CSDE1: variants seen among roughly 807,000 people sequenced by gnomAD.
The protein encoded by CSDE1 is cold shock domain containing E1, also known as cold shock domain-containing protein E1.
CSDE1 carries 17 observed loss-of-function variants against 89.3 expected under a neutral mutation model. The ratio of observed to expected loss-of-function variants is 0.19; its 90% CI spans 0.13 to 0.29. CSDE1 has a LOEUF of 0.29. Ranked by LOEUF, CSDE1 falls within the 10% of genes least tolerant of loss-of-function variation. The probability of loss-of-function intolerance (pLI) is 1.00; values close to 1 mark genes in which losing one functional copy is unlikely to be tolerated. For synonymous variants in CSDE1, 322 were observed against 332.8 expected (o/e 0.97, Z 0.35); for missense variants, 672 against 984.2 (o/e 0.68, Z 4.24).
chr1:114,723,187 C>T (rs757772475), intron 16 of CSDE1, among the ~76,000 whole-genome samples: 2 of 152,246 alleles, frequency 1.3e-5, no homozygotes, highest in South Asian at 4.1e-4. Flanking sequence ...TTGGAATACT[C>T]AAGCCCTCTC....
chr1:114,751,771 CT>C (rs980520925), intron 1 of CSDE1, among the ~76,000 whole-genome samples: 1 of 151,928 alleles, frequency 6.6e-6, no homozygotes, highest in African/African-American at 2.4e-5. Context: ...AGGGCCACTT[CT>C]TTAACTATCT....
At chr1:114,752,262 T>C (rs2101091058) in intron 1 of CSDE1, among the ~76,000 whole-genome samples, 1 of 151,802 alleles carries the variant, frequency 6.6e-6, no homozygotes, top group South Asian at 2.1e-4. Context: ...AAACAAAAAC[T>C]CTCCAATTTC....
chr1:114,745,080 CG>C (rs1383486544), intron 2 of CSDE1, among the ~76,000 whole-genome samples: 3 of 151,764 alleles, frequency 2.0e-5, no homozygotes, highest in Non-Finnish European at 4.4e-5. Context: ...CTAGCAAAGA[CG>C]TAAGATTTTA....
chr1:114,729,148 G>A (rs1659963872), intron 12 of CSDE1, among the ~76,000 whole-genome samples: 1 of 152,032 alleles, frequency 6.6e-6, no homozygotes. Flanking sequence ...GCCCAGGATG[G>A]AGTGCAATGG....
At chr1:114,723,145 C>G (rs1659616952) in intron 16 of CSDE1, among the ~76,000 whole-genome samples, 1 of 152,146 alleles carries the variant, frequency 6.6e-6, no homozygotes, top group Non-Finnish European at 1.5e-5. Flanking sequence ...GCGTGAACCA[C>G]CACGCCCGGC....
intron 16 of CSDE1, among the ~76,000 whole-genome samples, chr1:114,722,107 C>A (rs1270072332): frequency 6.6e-6 from 1 of 152,134 alleles, no homozygotes; most frequent in African/African-American, 2.4e-5. Flanking sequence ...GTCTCGAACT[C>A]CTGACCTTCA....
At position 114,734,357 on chromosome 1, in the gene CSDE1, GAAA is replaced by G; in HGVS notation, c.582+82_582+84del. On this transcript the variant is annotated intron_variant, in intron 7 of 19. Transcript: ENST00000358528. Reference sequence around the variant, plus strand: ...TATTTTAAAAGGGTAAGATAAAAAAGAAAAAAAAAAACAAAGGCTGGAGTTTGA... The same window carrying G: ...TATTTTAAAAGGGTAAGATAAAAAAGAAAAAAAACAAAGGCTGGAGTTTGA... 5.6e-6 allele frequency: 6 copies of G among 1,078,590 alleles called. No homozygotes were observed. In the South Asian group the frequency reaches 9.3e-5, roughly 17 times the overall value. The allele number at this position is 1,078,590 out of a possible 1,614,324, so 66.8% of individuals were successfully genotyped here. A position where few individuals can be genotyped will look rare whatever the true frequency, so the allele number is the denominator to read the frequency against.
chr1:114,734,428 A>G lies in CSDE1; in HGVS notation c.582+14T>C, dbSNP rs371228836. 4.3e-5 allele frequency: 69 copies of G among 1,608,368 alleles called. No homozygotes were observed. The highest frequency in any genetic ancestry group is 5.5e-5 in the Non-Finnish European group (65 of 1,177,770). On this transcript the variant is annotated intron_variant, in intron 7 of 19. Transcript: ENST00000358528. ...GGCCAAAGAAAACTCAAGTTTCTCA[A>G]ATTTAACACTTACCTTCATGGCACA... is the stretch of plus-strand genomic sequence containing the variant.
chr1:114,739,177 G>A (rs1322263191), intron 3 of CSDE1, among the ~76,000 whole-genome samples: 3 of 152,056 alleles, frequency 2.0e-5, no homozygotes, highest in African/African-American at 7.2e-5. Flanking sequence ...GACTACAGGT[G>A]CCTGCCACCA....
chr1:114,730,131 T>C (rs1476924956), intron 12 of CSDE1, 127 bp downstream of exon 12: 3 of 1,074,492 alleles, frequency 2.8e-6, no homozygotes, highest in Non-Finnish European at 4.0e-6. Flanking sequence ...TTTAGTTCAC[T>C]GTTAATATGA....
chr1:114,727,732 G>C (rs1341886716), intron 12 of CSDE1: 2 of 152,050 alleles, frequency 1.3e-5, no homozygotes, highest in Non-Finnish European at 2.9e-5. Flanking sequence ...CTGGTCTGAA[G>C]GTAGTGGGTT....
rs148637750 is a variant in CSDE1, at chr1:114,723,461, T to A, written c.1873+422A>T. On this transcript the variant is annotated intron_variant, in intron 16 of 19. Coordinates refer to ENST00000358528, the MANE Select transcript of CSDE1 (RefSeq NM_001007553.3). ...GAACTCTAGCTATTAAGAAACAGAT[T>A]ATGTACATATGTGTAGTGTAGGGGG... 7.9e-5 allele frequency among the ~76,000 whole-genome samples: 12 copies of A among 152,242 alleles called. No individual in the cohort carries two copies. The East Asian group carries it at 2.3e-3, about 29-fold the overall frequency.
chr1:114,736,938 T>C, intron 5 of CSDE1, 83 bp from the exon 6 acceptor site: 2 of 1,075,392 alleles, frequency 1.9e-6, no homozygotes, highest in Non-Finnish European at 2.7e-6. Flanking sequence ...AAAAACCTCT[T>C]ATACTGGCAT....
At chr1:114,743,423 C>T (rs1248682653) in intron 2 of CSDE1, among the ~76,000 whole-genome samples, 1 of 152,176 alleles carries the variant, frequency 6.6e-6, no homozygotes, top group Non-Finnish European at 1.5e-5. Flanking sequence ...GAACTCCTGA[C>T]CTCAAGTGAT....
Position 114,718,330 on chromosome 1 carries a change from T to G in CSDE1, c.2350-114A>C, listed in dbSNP as rs150631455. On this transcript the variant is annotated intron_variant, in intron 19 of 19. Coordinates refer to ENST00000358528, the MANE Select transcript of CSDE1 (RefSeq NM_001007553.3). ...AAAAGCATTATTTTTAATCATCTTA[T>G]GCAGTACTAATTCTTTCCTAGAGGA... 14 of 1,257,538 alleles carry G rather than the reference T, an allele frequency of 1.1e-5. No individual in the cohort carries two copies. In the African/African-American group the frequency reaches 1.9e-4, roughly 17 times the overall value. The allele number at this position is 1,257,538 out of a possible 1,614,324, so 77.9% of individuals were successfully genotyped here. A position where few individuals can be genotyped will look rare whatever the true frequency, so the allele number is the denominator to read the frequency against.
At chr1:114,720,110 TG>T (rs1659431193) in intron 17 of CSDE1, 1 of 218,036 alleles carries the variant, frequency 4.6e-6, no homozygotes, top group African/African-American at 2.3e-5. Flanking sequence ...TCTGTACTGA[TG>T]AAAAACATTC....
Position 114,737,520 on chromosome 1 carries a change from G to A in CSDE1, c.353C>T (p.Ala118Val). ...VPHNLESKSP[A>V]APGQSPTGSV... Reference sequence around the variant, plus strand: ...CCCTGTTGGACTCTGACCCGGGGCAGCTGGAGATTTACTCTCTAAGTTGTG... The same window carrying A: ...CCCTGTTGGACTCTGACCCGGGGCAACTGGAGATTTACTCTCTAAGTTGTG... The change falls in exon 5 of 20, where the codon GCT becomes GTT. Residue 118 changes from alanine to valine, a missense_variant. Ala to Val is a moderately conservative substitution (Grantham distance 64). This residue lies in a region of CSDE1 where 124 missense variants were observed against 138.7 expected (regional missense o/e 0.89). Transcript: ENST00000358528. 1 of 1,613,942 alleles carries A rather than the reference G, an allele frequency of 6.2e-7. No individual in the cohort carries two copies. Among genetic ancestry groups the A allele is most frequent in the Non-Finnish European group, 8.5e-7 (1 of 1,179,998 alleles).
chr1:114,749,630 GA>G (rs1461730442), intron 2 of CSDE1, among the ~76,000 whole-genome samples, 190 bp downstream of exon 2: 1 of 152,174 alleles, frequency 6.6e-6, no homozygotes, highest in Non-Finnish European at 1.5e-5. Flanking sequence ...AATCTGGTAT[GA>G]AAAATGTTTG....
intron 1 of CSDE1, among the ~76,000 whole-genome samples, chr1:114,755,466 CCA>C (rs1370853438): frequency 6.6e-6 from 1 of 152,190 alleles, no homozygotes; most frequent in Non-Finnish European, 1.5e-5. Flanking sequence ...TAATTTTCAG[CCA>C]CACACTGTTT....
Sources: gnomAD v4.1 joint callset for allele counts (sites outside exome capture counted in the v4.1 genomes callset) on GRCh38, gnomAD v4.1.1 for gene constraint, gnomAD v4.1.1 regional missense constraint, MANE v1.5 for transcripts, NCBI Gene and HGNC (gene_info 2026-07-23, HGNC 2026-07-21) for gene names.